Variants in PHF20 observed in about 807,000 individuals in gnomAD.
PHF20 encodes the protein glioma-expressed antigen 2.
In PHF20, 23 loss-of-function variants were observed where a neutral mutation model predicts 113.5. The ratio of observed to expected loss-of-function variants is 0.20; its 90% CI spans 0.15 to 0.29. PHF20 has a LOEUF of 0.29. Ranked by LOEUF, PHF20 falls within the 10% of genes least tolerant of loss-of-function variation. The pLI is 1.00. For missense variants in PHF20, 943 were observed against 1,219.6 expected (o/e 0.77, Z 3.38); for synonymous variants, 434 against 457.3 (o/e 0.95, Z 0.65).
intron 6 of PHF20, among the ~76,000 whole-genome samples, chr20:35,865,497 G>T (rs1457697280): frequency 2.9e-4 from 28 of 96,596 alleles, no homozygotes; most frequent in South Asian, 1.1e-3. Context: ...TTTAAGTTGT[G>T]TTTTTTTTTT....
intron 9 of PHF20, among the ~76,000 whole-genome samples, chr20:35,874,656 TTTC>T (rs2054485529): frequency 6.6e-6 from 1 of 152,198 alleles, no homozygotes; most frequent in South Asian, 2.1e-4. Flanking sequence ...GCTAATTTTT[TTTC>T]TTTTCTCAAC....
chr20:35,807,836 C>T (rs1353335431), intron 2 of PHF20, among the ~76,000 whole-genome samples: 4 of 152,048 alleles, frequency 2.6e-5, no homozygotes, highest in South Asian at 2.1e-4. Flanking sequence ...ATTAAAGAAT[C>T]GTTAACATTT....
At chr20:35,817,796 A>T (rs1158133445) in intron 2 of PHF20, among the ~76,000 whole-genome samples, 1 of 151,822 alleles carries the variant, frequency 6.6e-6, no homozygotes, top group African/African-American at 2.4e-5. Flanking sequence ...ACCCTGTCTC[A>T]AAAAAATTTA....
Position 35,863,214 on chromosome 20 carries a change from G to A in PHF20, c.622G>A (p.Val208Met). 6.2e-7 allele frequency: 1 copy of A among 1,614,004 alleles called. No individual in the cohort carries two copies. The highest frequency in any genetic ancestry group is 1.3e-5 in the African/African-American group (1 of 75,002). Residue 208 changes from valine to methionine, a missense_variant, in exon 6 of 18, where the codon GTG (valine) becomes ATG (methionine). Val to Met is a conservative substitution (Grantham distance 21). Transcript: ENST00000374012. The part of the protein sequence containing the change: ...GKLICSEKGK[V>M]SEKSLPKNEK... ...GTTAATCTGTTCTGAAAAGGGGAAA[G>A]TGTCAGAGAAAAGTCTTCCCAAGAA...
intron 13 of PHF20, among the ~76,000 whole-genome samples, chr20:35,926,451 G>A (rs2055637372): frequency 6.6e-6 from 1 of 151,912 alleles, no homozygotes; most frequent in African/African-American, 2.4e-5. Flanking sequence ...GTGTTAGCCA[G>A]GATGGTCTCG....
intron 5 of PHF20, among the ~76,000 whole-genome samples, chr20:35,861,044 A>G (rs2054209992): frequency 6.6e-6 from 1 of 152,124 alleles, no homozygotes; most frequent in South Asian, 2.1e-4. Context: ...GCACAGGCCC[A>G]AGGCTCCTGG....
In PHF20 at chr20:35,787,659, G is replaced by A. The variant is rs1285845245; in HGVS notation, c.-32-13832G>A. Among the ~76,000 whole-genome samples the A allele has an allele frequency of 7.3e-5, 11 of 149,834 alleles. No homozygotes were observed. The East Asian group carries it at 2.2e-3, about 29-fold the overall frequency. ...AAGCACCACCATGCCAGTTAATTTTGTATTTTTAGTCTAGACGAGGTTTCA... is the reference window on the plus strand; with the variant it reads ...AAGCACCACCATGCCAGTTAATTTTATATTTTTAGTCTAGACGAGGTTTCA... On this transcript the variant is annotated intron_variant, in intron 1 of 17. Coordinates refer to ENST00000374012, the MANE Select transcript of PHF20 (RefSeq NM_016436.5).
intron 17 of PHF20, among the ~76,000 whole-genome samples, chr20:35,945,023 C>T (rs190493892): frequency 2.6e-5 from 4 of 152,230 alleles, no homozygotes; most frequent in Admixed American, 2.6e-4. Flanking sequence ...GGTTTTCAAG[C>T]TTAAGTCTGA....
intron 2 of PHF20, among the ~76,000 whole-genome samples, chr20:35,822,846 TAAAAAAA>T (rs780275666): frequency 7.2e-5 from 4 of 55,534 alleles, no homozygotes; most frequent in Admixed American, 4.5e-4. Context: ...ACCCTGCTTC[TAAAAAAA>T]AAAAAAAAAA....
At chr20:35,857,225 G>A (rs957012886) in intron 4 of PHF20, among the ~76,000 whole-genome samples, 1 of 152,172 alleles carries the variant, frequency 6.6e-6, no homozygotes, top group Non-Finnish European at 1.5e-5. Context: ...AATGGGTGGG[G>A]CATGAATTGG....
At chr20:35,773,229 C>T (rs2041099924) in intron 1 of PHF20, among the ~76,000 whole-genome samples, 1 of 152,168 alleles carries the variant, frequency 6.6e-6, no homozygotes. Context: ...TTGGGGGGCA[C>T]ACCTTTTTGT....
At chr20:35,789,863 C>CT (rs1491289142) in intron 1 of PHF20, among the ~76,000 whole-genome samples, 3 of 62,934 alleles carry the variant, frequency 4.8e-5, no homozygotes, top group Non-Finnish European at 9.4e-5. Context: ...CCCCCCCCCC[C>CT]TTTTTTTTTA....
intron 2 of PHF20, among the ~76,000 whole-genome samples, chr20:35,836,767 C>A (rs1004281455): frequency 6.9e-4 from 104 of 150,476 alleles, no homozygotes; most frequent in African/African-American, 2.5e-3. Context: ...TGGCGTGAAC[C>A]CCCGGCGGGG....
At chr20:35,917,269 G>C in intron 12 of PHF20, 1 of 653,086 alleles carries the variant, frequency 1.5e-6, no homozygotes, top group Non-Finnish European at 2.9e-6. Context: ...AGTGAAATGA[G>C]GAAGTGGAGT....
rs994721696 is a variant in PHF20 at position 35,803,723 on chromosome 20, CGT to C, written c.83+2125_83+2126del. Among the ~76,000 whole-genome samples the C allele has an allele frequency of 4.1e-5, 6 of 147,166 alleles. No homozygotes were observed. In the Admixed American group the frequency reaches 4.1e-4, roughly 10 times the overall value. On this transcript the variant is annotated intron_variant, in intron 2 of 17. Coordinates refer to ENST00000374012, the MANE Select transcript of PHF20 (RefSeq NM_016436.5). Reference sequence around the variant, plus strand: ...GTGTGTGTATATATATAATATACTGCGTGTGTGTATATATATTATATATTGTA... The same window carrying C: ...GTGTGTGTATATATATAATATACTGCGTGTGTATATATATTATATATTGTA...
Position 35,871,756 on chromosome 20 carries a change from A to G in PHF20, c.1209A>G (p.Ser403=). The G allele has an allele frequency of 2.5e-6, 4 of 1,613,832 alleles. No individual in the cohort carries two copies. Among genetic ancestry groups the G allele is most frequent in the Non-Finnish European group, 1.7e-6 (2 of 1,179,840 alleles). ...CAGGCTTGGAGTTGAACTGCCCATC[A>G]ATGGGAGAAAACACGATGAAAACAG... ...GAAGLELNCP[S]MGENTMKTEP... is the part of the protein sequence containing the mutation. The change falls in exon 9 of 18, where the codon TCA becomes TCG. Residue 403 remains serine, a synonymous_variant. Coordinates refer to ENST00000374012, the MANE Select transcript of PHF20 (RefSeq NM_016436.5).
intron 10 of PHF20, among the ~76,000 whole-genome samples, chr20:35,909,786 A>C (rs1339903863): frequency 6.6e-6 from 1 of 152,210 alleles, no homozygotes; most frequent in African/African-American, 2.4e-5. Context: ...CAGTAGGCAC[A>C]GCCCACTCTT....
chr20:35,806,791 CTTTT>C (rs751352334), intron 2 of PHF20, among the ~76,000 whole-genome samples: 1 of 113,012 alleles, frequency 8.8e-6, no homozygotes. Context: ...GACCTTTACT[CTTTT>C]TTTTTTTTTT....
intron 1 of PHF20, among the ~76,000 whole-genome samples, chr20:35,775,929 G>C (rs934501492): frequency 3.3e-5 from 5 of 151,848 alleles, no homozygotes; most frequent in African/African-American, 1.2e-4. Flanking sequence ...CCTCCCCTCA[G>C]CCTCTTGAGT....
Sources: gnomAD v4.1 joint callset for allele counts (sites outside exome capture counted in the v4.1 genomes callset) on GRCh38, gnomAD v4.1.1 for gene constraint, MANE v1.5 for transcripts, NCBI Gene and HGNC (gene_info 2026-07-23, HGNC 2026-07-21) for gene names.